FADS2: variants seen among roughly 807,000 people sequenced by gnomAD.
FADS2 encodes fatty acid desaturase 2.
A neutral mutation model predicts 61.2 loss-of-function variants in FADS2; 18 were observed. That is an observed-to-expected ratio of 0.29 (90% confidence interval 0.20 to 0.44). The LOEUF (loss-of-function observed/expected upper bound fraction) is 0.44, where lower values mean the gene tolerates loss of function less well. Among genes scored for constraint, FADS2 ranks in the 20% least tolerant of loss-of-function variants. The pLI, the probability that FADS2 is intolerant of heterozygous loss-of-function variation, is 1.00. For synonymous variants in FADS2, 203 were observed against 223.9 expected, an observed-to-expected ratio of 0.91 and a Z score of 0.83; for missense variants, 322 against 572.7, an observed-to-expected ratio of 0.56 and a Z score of 4.47.
chr11:61,865,777 G>C lies in FADS2; in HGVS notation c.*88G>C. The C allele has an allele frequency of 8.5e-7, 1 of 1,175,634 alleles. No individual in the cohort carries two copies. Among genetic ancestry groups the C allele is most frequent in the Non-Finnish European group, 1.2e-6 (1 of 804,922 alleles). The allele number at this position is 1,175,634 out of a possible 1,614,324, so 72.8% of individuals were successfully genotyped here. A position where few individuals can be genotyped will look rare whatever the true frequency, so the allele number is the denominator to read the frequency against. On this transcript the variant is annotated 3_prime_UTR_variant, in exon 12 of 12. Coordinates refer to ENST00000278840, the MANE Select transcript of FADS2 (RefSeq NM_004265.4). The surrounding 1 kb of genome is among the most constrained non-coding windows in gnomAD (Gnocchi z 4.1). ...TGGGCTTTTGTTCTGAGGGGTGTCC[G>C]AGAGGCTGGTGTATGCACTGCTCAC...
At chr11:61,849,991 C>G (rs945509992) in intron 5 of FADS2, among the ~76,000 whole-genome samples, 2 of 152,094 alleles carry the variant, frequency 1.3e-5, no homozygotes, top group Admixed American at 6.6e-5. Context: ...ATGATTGCAC[C>G]ACTGCACTCC....
chr11:61,861,355 A>AAAAAAAAAAAAAAAAAAAAAAAAAC, intron 7 of FADS2, among the ~76,000 whole-genome samples: 1 of 120,034 alleles, frequency 8.3e-6, no homozygotes, highest in Non-Finnish European at 1.7e-5. Flanking sequence ...CTCCCTCTCA[A>AAAAAAAAAAAAAAAAAAAAAAAAAC]AAAAAAAAAA....
intron 7 of FADS2, among the ~76,000 whole-genome samples, chr11:61,858,541 T>A (rs755594682): frequency 1.6e-4 from 24 of 152,122 alleles, no homozygotes; most frequent in Admixed American, 3.3e-4. Flanking sequence ...TCCTTTTTTT[T>A]AAAATAGGGA....
chr11:61,857,405 A>T (rs763864616), intron 6 of FADS2, 49 bp from the exon 7 acceptor site: 1 of 1,553,590 alleles, frequency 6.4e-7, no homozygotes, highest in Admixed American at 1.7e-5. Flanking sequence ...ACCTTCCGGC[A>T]CAGGCAGGGT....
chr11:61,847,986 G>A, intron 4 of FADS2, 173 bp from the exon 5 acceptor site: 3 of 665,428 alleles, frequency 4.5e-6, no homozygotes, highest in Middle Eastern at 2.5e-4. Context: ...TCTGGGGCTG[G>A]CGCATGCTCT....
chr11:61,862,683 AC>A, intron 7 of FADS2: 1 of 417,246 alleles, frequency 2.4e-6, no homozygotes, highest in African/African-American at 2.0e-5. Flanking sequence ...AGGGCTGCTG[AC>A]CCCCACCCCT....
chr11:61,828,199 G>A (rs2067098712), upstream of FADS2: 1 of 1,418,626 alleles, frequency 7.0e-7, no homozygotes, highest in Non-Finnish European at 9.2e-7. The surrounding 1 kb of genome is among the most constrained non-coding windows in gnomAD (Gnocchi z 6.4). Flanking sequence ...CCTCCGCCAG[G>A]AAGGCAGGGA....
At chr11:61,822,849 G>T (rs2067045162) in intron 1 of FADS2, among the ~76,000 whole-genome samples, 1 of 152,120 alleles carries the variant, frequency 6.6e-6, no homozygotes, top group Non-Finnish European at 1.5e-5. Context: ...GGACATTTGT[G>T]TAGAAGTTTC....
At chr11:61,826,662 A>G (rs1265007736), upstream of FADS2, 1 of 525,406 alleles carries the variant, frequency 1.9e-6, no homozygotes, top group Non-Finnish European at 3.4e-6. Flanking sequence ...TCAAAGACAG[A>G]GAGGCCTTAC....
rs566347858 is a variant in FADS2, at chr11:61,816,485, G to C, written c.141+59G>C. ...TTAGTCGGTGTTTGGCTCGGAGTGC[G>C]TAACTCTGTCTCCCCTGCACTCAGC... is the stretch of plus-strand genomic sequence containing the variant. On this transcript the variant is annotated intron_variant, in intron 1 of 11. Transcript: ENST00000257261. This position sits in a 1 kb window ranked among gnomAD's most constrained non-coding sequence, Gnocchi z 7.0. 9 of 1,600,866 alleles carry C rather than the reference G, an allele frequency of 5.6e-6. No individual in the cohort carries two copies. Among genetic ancestry groups the C allele is most frequent in the Non-Finnish European group, 5.1e-6 (6 of 1,178,484 alleles).
At position 61,840,393 on chromosome 11, in the gene FADS2, C is replaced by T. The variant is rs763116583; in HGVS notation, c.378C>T (p.Phe126=). The T allele has an allele frequency of 9.3e-6, 15 of 1,614,104 alleles. No homozygotes were observed. The South Asian group carries it at 1.6e-4, about 18-fold the overall frequency. Residue 126 remains phenylalanine, a synonymous_variant, in exon 3 of 12, where the codon TTC becomes TTT. Coordinates refer to ENST00000278840, the MANE Select transcript of FADS2 (RefSeq NM_004265.4). ...AGACGGCTGAGGACATGAACCTGTT[C>T]AAGACCAACCACGTGTTCTTCCTCC... The part of the protein sequence containing the change: ...LRKTAEDMNL[F]KTNHVFFLLL...
chr11:61,864,430 GT>G (rs1192392244), intron 10 of FADS2, among the ~76,000 whole-genome samples: 3 of 151,014 alleles, frequency 2.0e-5, no homozygotes, highest in Non-Finnish European at 4.4e-5. Flanking sequence ...ATCTCACTCT[GT>G]TGCCCAGACT....
At chr11:61,828,196 C>T, upstream of FADS2, 1 of 1,417,560 alleles carries the variant, frequency 7.1e-7, no homozygotes, top group Non-Finnish European at 9.2e-7. The surrounding 1 kb of genome is among the most constrained non-coding windows in gnomAD (Gnocchi z 6.4). Flanking sequence ...GATCCTCCGC[C>T]AGGAAGGCAG....
At position 61,865,395 on chromosome 11, in the gene FADS2, T is replaced by C. The variant is rs2067459700; in HGVS notation, c.1283+118T>C. On this transcript the variant is annotated intron_variant, in intron 11 of 11. Coordinates refer to ENST00000278840, the MANE Select transcript of FADS2 (RefSeq NM_004265.4). This position sits in a 1 kb window ranked among gnomAD's most constrained non-coding sequence, Gnocchi z 4.1. ...TCACCCACCAGGGCACCTGCCTTAC[T>C]CCCGAGCCTGTGTTAGGAGCTGTTG... 7.6e-7 allele frequency: 1 copy of C among 1,309,602 alleles called. No individual in the cohort carries two copies. Among genetic ancestry groups the C allele is most frequent in the Non-Finnish European group, 1.0e-6 (1 of 957,974 alleles). 81.1% of individuals were successfully genotyped at this position (1,309,602 alleles called of 1,614,324 possible). A position where few individuals can be genotyped will look rare whatever the true frequency, so the allele number is the denominator to read the frequency against.
intron 5 of FADS2, among the ~76,000 whole-genome samples, chr11:61,848,518 C>T (rs993461156): frequency 2.0e-5 from 3 of 152,184 alleles, no homozygotes; most frequent in African/African-American, 7.2e-5. Flanking sequence ...TCCACATCTC[C>T]TGCTACACAG....
At chr11:61,851,270 C>G (rs898617873) in intron 5 of FADS2, among the ~76,000 whole-genome samples, 1 of 152,192 alleles carries the variant, frequency 6.6e-6, no homozygotes, top group Non-Finnish European at 1.5e-5. Context: ...TCTAGTCCCA[C>G]CAGCTGCACT....
chr11:61,856,725 C>T lies in FADS2; in HGVS notation c.745-286C>T, dbSNP rs558688450. The T allele has an allele frequency of 4.6e-4, 211 of 455,516 alleles. 1 individual carries two copies. The highest frequency in any genetic ancestry group is 3.3e-3 in the African/African-American group (170 of 51,342). The allele number at this position is 455,516 out of a possible 1,614,324, so 28.2% of individuals were successfully genotyped here. Reference sequence around the variant, plus strand: ...CCTGTGGCCTTGGGCCATGGCTTAACGCTGAGCCTCAGCCTCAGAAGTGCC... The same window carrying T: ...CCTGTGGCCTTGGGCCATGGCTTAATGCTGAGCCTCAGCCTCAGAAGTGCC... On this transcript the variant is annotated intron_variant, in intron 5 of 11. Transcript: ENST00000278840.
intron 7 of FADS2, among the ~76,000 whole-genome samples, chr11:61,861,361 A>ACAAC (rs2067413876): frequency 7.0e-6 from 1 of 143,116 alleles, no homozygotes; most frequent in African/African-American, 2.6e-5. Context: ...CTCAAAAAAA[A>ACAAC]AAAAAAAAAA....
upstream of FADS2, chr11:61,816,209 G>C: frequency 6.4e-7 from 1 of 1,561,294 alleles, no homozygotes; most frequent in Non-Finnish European, 8.6e-7. The surrounding 1 kb of genome is among the most constrained non-coding windows in gnomAD (Gnocchi z 7.0). Context: ...CTGCATCCTT[G>C]CTCTCCTCCC....
Sources: gnomAD v4.1 joint callset for allele counts (sites outside exome capture counted in the v4.1 genomes callset) on GRCh38, gnomAD v4.1.1 for gene constraint, Gnocchi (gnomAD v3.1) non-coding constraint, MANE v1.5 for transcripts, NCBI Gene and HGNC (gene_info 2026-07-23, HGNC 2026-07-21) for gene names.